The following NRG3 variants were observed in gnomAD, a reference collection of about 807,000 sequenced individuals.
The protein encoded by NRG3 is neuregulin 3, also known as pro-neuregulin-3, membrane-bound isoform.
Under a neutral mutation model 66.9 loss-of-function variants are expected in NRG3, and 31 were observed. That is an observed-to-expected ratio of 0.46 (90% CI 0.35 to 0.63). The LOEUF is 0.63. Among genes scored for constraint, NRG3 ranks in the 20% least tolerant of loss-of-function variants. NRG3 has a pLI of 0.00. For missense variants in NRG3, 910 were observed against 878.9 expected (o/e 1.04, Z -0.45); for synonymous variants, 393 against 359.4 (o/e 1.09, Z -1.06).
At chr10:82,837,990 C>A (rs115368967) in intron 3 of NRG3, among the ~76,000 whole-genome samples, 1 of 152,076 alleles carries the variant, frequency 6.6e-6, no homozygotes, top group Non-Finnish European at 1.5e-5. Context: ...CTGATAGGCT[C>A]AATAGAATGT....
intron 2 of NRG3, among the ~76,000 whole-genome samples, chr10:82,591,926 A>G (rs2047006822): frequency 6.6e-6 from 1 of 152,172 alleles, no homozygotes; most frequent in Non-Finnish European, 1.5e-5. Context: ...TTTAGCTTTG[A>G]TCCCATTCTG....
At chr10:82,885,148 T>C (rs566616160) in intron 4 of NRG3, among the ~76,000 whole-genome samples, 1 of 152,372 alleles carries the variant, frequency 6.6e-6, no homozygotes, top group Non-Finnish European at 1.5e-5. Context: ...AATAATCTTC[T>C]GCCCGTAACT....
intron 2 of NRG3, among the ~76,000 whole-genome samples, chr10:82,665,819 C>G (rs1423675516): frequency 6.6e-6 from 1 of 152,114 alleles, no homozygotes; most frequent in Non-Finnish European, 1.5e-5. Context: ...CTTTTCTTTT[C>G]CCTGGGCATC....
intron 1 of NRG3, among the ~76,000 whole-genome samples, chr10:82,283,578 G>A (rs1267034689): frequency 1.3e-5 from 2 of 152,118 alleles, no homozygotes; most frequent in Non-Finnish European, 2.9e-5. Flanking sequence ...CATTCTATAA[G>A]AAAACATGCA....
chr10:82,550,068 G>T (rs1259030400), intron 2 of NRG3, among the ~76,000 whole-genome samples: 1 of 152,114 alleles, frequency 6.6e-6, no homozygotes, highest in Admixed American at 6.6e-5. Flanking sequence ...GAATGCAAAT[G>T]ATCTGTGCTG....
chr10:82,964,659 C>T (rs1036625925), intron 6 of NRG3, among the ~76,000 whole-genome samples: 3 of 152,090 alleles, frequency 2.0e-5, no homozygotes, highest in African/African-American at 7.2e-5. Context: ...TACTCGGGCT[C>T]ATAAGTCAGA....
chr10:82,397,111 G>A (rs1224210907), intron 2 of NRG3, among the ~76,000 whole-genome samples: 1 of 152,116 alleles, frequency 6.6e-6, no homozygotes, highest in Non-Finnish European at 1.5e-5. Context: ...GTCCCTCTGG[G>A]AGTTTTCAGA....
At chr10:82,251,270 A>T (rs1221175579) in intron 1 of NRG3, among the ~76,000 whole-genome samples, 3 of 152,028 alleles carry the variant, frequency 2.0e-5, no homozygotes, top group East Asian at 1.9e-4. Flanking sequence ...CATTAGAGGG[A>T]TGACCCCAAG....
intron 1 of NRG3, among the ~76,000 whole-genome samples, chr10:82,333,863 A>G (rs1430161461): frequency 1.3e-5 from 2 of 152,152 alleles, no homozygotes; most frequent in African/African-American, 2.4e-5. Context: ...ATCTTTCTGT[A>G]GTATTGAAGA....
At chr10:82,464,402 G>C (rs1030630856) in intron 2 of NRG3, among the ~76,000 whole-genome samples, 1 of 152,158 alleles carries the variant, frequency 6.6e-6, no homozygotes, top group Non-Finnish European at 1.5e-5. Flanking sequence ...TGACTCGATG[G>C]GGGGAAGGCT....
chr10:82,239,222 A>T (rs1019689731), intron 1 of NRG3, among the ~76,000 whole-genome samples: 4 of 152,136 alleles, frequency 2.6e-5, no homozygotes, highest in South Asian at 4.1e-4. Context: ...GCATATATAC[A>T]TGTATACACA....
At chr10:82,429,625 G>GT (rs1381506332) in intron 2 of NRG3, among the ~76,000 whole-genome samples, 1 of 152,012 alleles carries the variant, frequency 6.6e-6, no homozygotes, top group Non-Finnish European at 1.5e-5. Context: ...CCAAATCAGA[G>GT]TTTTTTGAAC....
intron 3 of NRG3, among the ~76,000 whole-genome samples, chr10:82,754,139 G>A (rs111227840): frequency 0.032 from 4,798 of 151,688 alleles, 272 homozygotes; most frequent in African/African-American, 0.11. Context: ...ATATTTGTCA[G>A]TATTAAATCG....
intron 1 of NRG3, among the ~76,000 whole-genome samples, chr10:81,913,221 A>G (rs1845345102): frequency 6.6e-6 from 1 of 152,208 alleles, no homozygotes; most frequent in Non-Finnish European, 1.5e-5. Flanking sequence ...AGCAGAAGCT[A>G]TAATGGAGCT....
chr10:82,440,877 A>G (rs1280412216), intron 2 of NRG3, among the ~76,000 whole-genome samples: 1 of 152,206 alleles, frequency 6.6e-6, no homozygotes, highest in East Asian at 1.9e-4. Flanking sequence ...CTTAAGAGCA[A>G]TCCAAATGGC....
At position 82,114,481 on chromosome 10, in the gene NRG3, A is replaced by G. The variant is rs181737424; in HGVS notation, c.823+238318A>G. The stretch of plus-strand genomic sequence containing the variant: ...GTCTCAGTTTATTAGCATCCTTTAT[A>G]GATAAGCTGTGCCTGTAAGAAAAGA... On this transcript the variant is annotated intron_variant, in intron 1 of 8. Coordinates refer to ENST00000372141, the MANE Select transcript of NRG3 (RefSeq NM_001010848.4). Among the ~76,000 whole-genome samples the G allele has an allele frequency of 7.2e-5, 11 of 152,276 alleles. No homozygotes were observed. The East Asian group carries it at 1.7e-3, about 24-fold the overall frequency.
At chr10:82,120,237 C>T (rs2067997863) in intron 1 of NRG3, among the ~76,000 whole-genome samples, 1 of 151,974 alleles carries the variant, frequency 6.6e-6, no homozygotes, top group East Asian at 1.9e-4. Context: ...AAATATACAC[C>T]CAGGTCCTCT....
At chr10:81,988,862 A>G (rs2060627090) in intron 1 of NRG3, among the ~76,000 whole-genome samples, 3 of 151,336 alleles carry the variant, frequency 2.0e-5, no homozygotes, top group Non-Finnish European at 2.9e-5. Context: ...TGGATTTCCA[A>G]ACCCGGATGT....
chr10:82,132,800 G>T (rs2132532124), intron 1 of NRG3, among the ~76,000 whole-genome samples: 1 of 151,002 alleles, frequency 6.6e-6, no homozygotes, highest in African/African-American at 2.4e-5. Flanking sequence ...TTTCAATCTT[G>T]GTAGGTTGTA....
Sources: allele counts gnomAD v4.1 joint callset (sites outside exome capture counted in the v4.1 genomes callset), GRCh38; gene constraint gnomAD v4.1.1; transcripts MANE v1.5; gene names NCBI Gene and HGNC (gene_info 2026-07-23, HGNC 2026-07-21).